The following SLC24A1 variants were observed in gnomAD, a reference collection of about 807,000 sequenced individuals.
SLC24A1 encodes solute carrier family 24 member 1, also known as sodium/potassium/calcium exchanger 1.
In SLC24A1, 52 loss-of-function variants were observed where a neutral mutation model predicts 88.1. That is an observed-to-expected ratio of 0.59 (90% CI 0.47 to 0.74). SLC24A1 has a LOEUF of 0.74. Among genes scored for constraint, SLC24A1 ranks in the 30% least tolerant of loss-of-function variants. The probability of loss-of-function intolerance (pLI) is 0.00; values close to 1 mark genes in which losing one functional copy is unlikely to be tolerated. For missense variants in SLC24A1, 1,173 were observed against 1,363.3 expected (o/e 0.86, Z 2.20); for synonymous variants, 455 against 498.0 (o/e 0.91, Z 1.15).
rs1566966141 is a variant in SLC24A1, at chr15:65,650,970, T to G, written c.2793+28T>G. 1.3e-6 allele frequency: 2 copies of G among 1,597,174 alleles called. No individual in the cohort carries two copies. The highest frequency in any genetic ancestry group is 1.7e-6 in the Non-Finnish European group (2 of 1,164,806). On this transcript the variant is annotated intron_variant, in intron 7 of 9. Coordinates refer to ENST00000261892, the MANE Select transcript of SLC24A1 (RefSeq NM_004727.3). The surrounding 1 kb of genome is among the most constrained non-coding windows in gnomAD (Gnocchi z 4.1). ...GAGTGTGCCCATCTGTATCTCAGAC[T>G]CTTTATCCCCAGCAGGGCTGTGGGG...
chr15:65,616,303 C>G lies in SLC24A1; in HGVS notation c.-227-2577C>G, dbSNP rs2074141886. On this transcript the variant is annotated intron_variant, in intron 2 of 11. Transcript: ENST00000537259. ...CTTCTAGATCCTTGAGGAATCACCA[C>G]ACTGTCTTCCACAATGGTTGAACTA... Among the ~76,000 whole-genome samples the G allele has an allele frequency of 2.0e-5, 3 of 152,354 alleles. No individual in the cohort carries two copies. The South Asian group carries it at 6.2e-4, about 32-fold the overall frequency.
intron 2 of SLC24A1, among the ~76,000 whole-genome samples, chr15:65,628,832 A>C (rs138224022): frequency 1.7e-3 from 261 of 152,364 alleles, no homozygotes; most frequent in African/African-American, 6.1e-3. Context: ...GGACAAGCCT[A>C]GAGAAAATTA....
At chr15:65,613,154 C>T (rs184098079) in intron 2 of SLC24A1, among the ~76,000 whole-genome samples, 1 of 152,362 alleles carries the variant, frequency 6.6e-6, no homozygotes, top group East Asian at 1.9e-4. Context: ...TTTCCACACA[C>T]ACATTAAAGG....
chr15:65,635,197 A>C (rs1016655059), intron 2 of SLC24A1, among the ~76,000 whole-genome samples: 8 of 151,806 alleles, frequency 5.3e-5, no homozygotes, highest in Non-Finnish European at 1.0e-4. Flanking sequence ...TCTAAAGAGA[A>C]CTCTTGGCCA....
upstream of SLC24A1, among the ~76,000 whole-genome samples, chr15:65,617,825 GCTT>G (rs2074198426): frequency 6.6e-6 from 1 of 152,180 alleles, no homozygotes; most frequent in Non-Finnish European, 1.5e-5. Context: ...CAAAGGGAAT[GCTT>G]CCAGTTTTTG....
intron 4 of SLC24A1, among the ~76,000 whole-genome samples, chr15:65,643,680 G>GT (rs2075209316): frequency 6.6e-6 from 1 of 152,184 alleles, no homozygotes; most frequent in Admixed American, 6.5e-5. Flanking sequence ...TGCCTGTCCC[G>GT]TGTTTCTCAC....
At position 65,645,667 on chromosome 15, in the gene SLC24A1, C is replaced by A. The variant is rs1215269671; in HGVS notation, c.2196C>A (p.Asp732Glu). ...AVTVTPAPVPDIKGDQKENPG... is the reference protein window; with the variant it reads ...AVTVTPAPVPEIKGDQKENPG... Reference sequence around the variant, plus strand: ...CGGTCACACCAGCCCCTGTTCCAGACATCAAGGGAGATCAGAAGGAGAATC... The same window carrying A: ...CGGTCACACCAGCCCCTGTTCCAGAAATCAAGGGAGATCAGAAGGAGAATC... Residue 732 changes from aspartate (D) to glutamate (E), a missense_variant, in exon 6 of 10, where the codon GAC (aspartate) becomes GAA (glutamate). Physicochemically the swap from Asp to Glu is conservative, Grantham distance 45. Transcript: ENST00000261892. 6.3e-7 allele frequency: 1 copy of A among 1,580,890 alleles called. No homozygotes were observed.
chr15:65,639,006 A>G (rs2141599846), intron 3 of SLC24A1, among the ~76,000 whole-genome samples: 1 of 152,116 alleles, frequency 6.6e-6, no homozygotes, highest in Admixed American at 6.6e-5. Context: ...ACATGGGCAG[A>G]AAAAAAACCA....
At chr15:65,622,600 G>A (rs75647453) in intron 1 of SLC24A1, among the ~76,000 whole-genome samples, 3,043 of 152,218 alleles carry the variant, frequency 0.02, 53 homozygotes, top group Middle Eastern at 0.085. Context: ...AGTAGTTTGT[G>A]GACATTAATT....
exon 1 of SLC24A1, chr15:65,611,433 G>A: frequency 1.8e-6 from 1 of 545,384 alleles, no homozygotes; most frequent in Non-Finnish European, 3.3e-6. Flanking sequence ...CCATTCTCGG[G>A]CTCTTTCCTT....
chr15:65,660,749 A>T (rs552081499), downstream of SLC24A1: 1 of 153,756 alleles, frequency 6.5e-6, no homozygotes, highest in African/African-American at 2.4e-5. Flanking sequence ...CTCAATATGG[A>T]TGAAAATCTA....
chr15:65,620,428 A>C (rs937149501), upstream of SLC24A1, among the ~76,000 whole-genome samples: 3 of 152,212 alleles, frequency 2.0e-5, no homozygotes, highest in Non-Finnish European at 4.4e-5. Flanking sequence ...AACCCTATCA[A>C]ACAGGTAATG....
In SLC24A1 at chr15:65,656,190, C is replaced by T. The variant is rs541275945; in HGVS notation, c.*2111C>T. ...CAGACTGGAGTAAGGAGTGATGGAC[C>T]GTAAAATGCTGTGTAATGATAAAAG... On this transcript the variant is annotated 3_prime_UTR_variant, in exon 10 of 10. Coordinates refer to ENST00000261892, the MANE Select transcript of SLC24A1 (RefSeq NM_004727.3). 1.5e-5 allele frequency: 15 copies of T among 984,492 alleles called. 1 individual carries two copies. The highest frequency in any genetic ancestry group is 1.1e-4 in the East Asian group (1 of 8,820). 61.0% of individuals were successfully genotyped at this position (984,492 alleles called of 1,614,324 possible).
At chr15:65,628,747 G>T (rs751597827) in intron 2 of SLC24A1, among the ~76,000 whole-genome samples, 6 of 152,138 alleles carry the variant, frequency 3.9e-5, no homozygotes, top group Non-Finnish European at 8.8e-5. Context: ...GCAAGTCAAT[G>T]CAATACAACA....
intron 2 of SLC24A1, among the ~76,000 whole-genome samples, chr15:65,631,636 G>C (rs60400895): frequency 6.6e-6 from 1 of 152,118 alleles, no homozygotes; most frequent in Non-Finnish European, 1.5e-5. Context: ...AAGAATAAAG[G>C]CCAGTGTGGT....
intron 5 of SLC24A1, among the ~76,000 whole-genome samples, chr15:65,645,394 C>G (rs1007134015): frequency 1.3e-5 from 2 of 152,202 alleles, no homozygotes; most frequent in East Asian, 3.8e-4. Flanking sequence ...TAGGGGAGCA[C>G]GGATGGTCAC....
intron 2 of SLC24A1, among the ~76,000 whole-genome samples, chr15:65,634,581 G>T (rs752447852): frequency 5.3e-5 from 8 of 152,014 alleles, no homozygotes; most frequent in Non-Finnish European, 8.8e-5. Context: ...CTCATAAATG[G>T]ACTCATCAGC....
At chr15:65,643,505 T>C (rs953522479) in intron 4 of SLC24A1, among the ~76,000 whole-genome samples, 6 of 152,210 alleles carry the variant, frequency 3.9e-5, no homozygotes, top group African/African-American at 7.2e-5. Context: ...GTAGATCCCA[T>C]GACACCACTT....
At position 65,624,009 on chromosome 15, in the gene SLC24A1, C is replaced by T; in HGVS notation, c.-72C>T. 3 of 1,385,886 alleles carry T rather than the reference C, an allele frequency of 2.2e-6. No homozygotes were observed. The highest frequency in any genetic ancestry group is 2.9e-5 in the South Asian group (2 of 69,580). 85.8% of individuals were successfully genotyped at this position (1,385,886 alleles called of 1,614,324 possible). ...TGGAGAAATCTTCTCTGATCACCAACCTGAATCCCAGAGTAGCCTCCATCT... is the reference window on the plus strand; with the variant it reads ...TGGAGAAATCTTCTCTGATCACCAATCTGAATCCCAGAGTAGCCTCCATCT... On this transcript the variant is annotated 5_prime_UTR_variant, in exon 2 of 10. Coordinates refer to ENST00000261892, the MANE Select transcript of SLC24A1 (RefSeq NM_004727.3).
Sources: allele counts gnomAD v4.1 joint callset (sites outside exome capture counted in the v4.1 genomes callset), GRCh38; gene constraint gnomAD v4.1.1; non-coding constraint Gnocchi (gnomAD v3.1); transcripts MANE v1.5; gene names NCBI Gene and HGNC (gene_info 2026-07-23, HGNC 2026-07-21).